The following ST8SIA6 variants were observed in gnomAD, a reference collection of about 807,000 sequenced individuals.
The protein encoded by ST8SIA6 is ST8 alpha-N-acetyl-neuraminide alpha-2,8-sialyltransferase 6.
ST8SIA6 carries 39 observed loss-of-function variants against 33.6 expected under a neutral mutation model. That is an observed-to-expected ratio of 1.16 (90% CI 0.90 to 1.52). The LOEUF (loss-of-function observed/expected upper bound fraction) is 1.52, where lower values mean the gene tolerates loss of function less well. Among genes scored for constraint, ST8SIA6 ranks in the 40% most tolerant of loss-of-function variants. The pLI is 0.00. For missense variants in ST8SIA6, 441 were observed against 443.8 expected (o/e 0.99, Z 0.06); for synonymous variants, 172 against 167.2 (o/e 1.03, Z -0.22).
chr10:17,404,752 G>A (rs1023584816), intron 2 of ST8SIA6, among the ~76,000 whole-genome samples: 7 of 152,048 alleles, frequency 4.6e-5, no homozygotes, highest in Non-Finnish European at 8.8e-5. Context: ...CCTTGTATTC[G>A]AAGTTGACCC....
chr10:17,451,853 C>G (rs1171339843), intron 2 of ST8SIA6, among the ~76,000 whole-genome samples: 1 of 152,106 alleles, frequency 6.6e-6, no homozygotes, highest in African/African-American at 2.4e-5. Flanking sequence ...TTTACAAACA[C>G]AGAATGGTAT....
chr10:17,390,439 C>T lies in ST8SIA6; in HGVS notation c.290+92G>A, dbSNP rs144639771. On this transcript the variant is annotated intron_variant, in intron 3 of 7. Transcript: ENST00000377602. ...TGGTAAGCCTGAGAGTGAACAGTCT[C>T]ATATTCCAAATGACTTCAGAGACAC... The T allele has an allele frequency of 1.4e-4, 152 of 1,101,992 alleles. No individual in the cohort carries two copies. The East Asian group carries it at 3.4e-3, about 25-fold the overall frequency. 68.3% of individuals were successfully genotyped at this position (1,101,992 alleles called of 1,614,324 possible).
At chr10:17,388,403 G>T (rs1850460087) in intron 3 of ST8SIA6, among the ~76,000 whole-genome samples, 1 of 152,122 alleles carries the variant, frequency 6.6e-6, no homozygotes, top group Admixed American at 6.5e-5. Context: ...TACCTACCTT[G>T]GTTTCTTTAT....
In ST8SIA6 at chr10:17,374,747, T is replaced by TA. The variant is rs1236129508; in HGVS notation, c.291-15148dup. Among the ~76,000 whole-genome samples, 410 of 89,496 alleles carry TA rather than the reference T, an allele frequency of 4.6e-3. 5 individuals are homozygous for TA. Among genetic ancestry groups the TA allele is most frequent in the African/African-American group, 0.012 (304 of 25,938 alleles). 58.7% of individuals were successfully genotyped at this position (89,496 alleles called of 152,430 possible). ...ATAAATAAATAAATAAATAAATAAA[T>TA]AATAAATATATATATATATATTTAG... On this transcript the variant is annotated intron_variant, in intron 3 of 7. Transcript: ENST00000377602.
chr10:17,329,102 C>T (rs1258848703), intron 5 of ST8SIA6, among the ~76,000 whole-genome samples: 1 of 152,206 alleles, frequency 6.6e-6, no homozygotes, highest in Non-Finnish European at 1.5e-5. Context: ...GCTCTGGGAG[C>T]TGCCCAACTA....
intron 4 of ST8SIA6, among the ~76,000 whole-genome samples, chr10:17,348,455 A>C (rs1848921513): frequency 6.6e-6 from 1 of 152,208 alleles, no homozygotes; most frequent in African/African-American, 2.4e-5. Context: ...TACCAGGCCA[A>C]GTCCTAACTG....
At chr10:17,401,568 G>A (rs1851044101) in intron 2 of ST8SIA6, among the ~76,000 whole-genome samples, 1 of 152,142 alleles carries the variant, frequency 6.6e-6, no homozygotes, top group Non-Finnish European at 1.5e-5. Context: ...GCATGGTACT[G>A]GTACCAAAAC....
intron 3 of ST8SIA6, among the ~76,000 whole-genome samples, chr10:17,383,935 C>T (rs2131647391): frequency 6.6e-6 from 1 of 152,314 alleles, no homozygotes; most frequent in South Asian, 2.1e-4. Context: ...ATATTTGTTT[C>T]TAACTGATTT....
rs138244236 is a variant in ST8SIA6, at chr10:17,443,905, C to T, written c.200+9654G>A. ...TGCAAATGAGAGATTACAGAACCCT[C>T]GCACCCTTAGATCACAGAACAGCTG... is the stretch of plus-strand genomic sequence containing the variant. On this transcript the variant is annotated intron_variant, in intron 2 of 7. Transcript: ENST00000377602. Among the ~76,000 whole-genome samples, 51 of 152,308 alleles carry T rather than the reference C, an allele frequency of 3.3e-4. No individual in the cohort carries two copies. In the East Asian group the frequency reaches 7.3e-3, roughly 22 times the overall value.
chr10:17,388,314 A>G (rs1435287589), intron 3 of ST8SIA6, among the ~76,000 whole-genome samples: 3 of 152,192 alleles, frequency 2.0e-5, no homozygotes, highest in African/African-American at 7.2e-5. Context: ...GGGACACTCA[A>G]TGGATGTGTC....
At chr10:17,395,034 A>T (rs1850757922) in intron 2 of ST8SIA6, among the ~76,000 whole-genome samples, 1 of 152,094 alleles carries the variant, frequency 6.6e-6, no homozygotes, top group African/African-American at 2.4e-5. Flanking sequence ...CACAATTCCC[A>T]CGTGTTGTGG....
intron 2 of ST8SIA6, among the ~76,000 whole-genome samples, chr10:17,406,632 AGCGGCGGTT>A (rs1564449529): frequency 6.6e-6 from 1 of 152,158 alleles, no homozygotes; most frequent in Admixed American, 6.5e-5. Context: ...TAGTCTATAC[AGCGGCGGTT>A]GTTACTGTCT....
At chr10:17,385,717 G>A (rs1394742315) in intron 3 of ST8SIA6, among the ~76,000 whole-genome samples, 2 of 152,076 alleles carry the variant, frequency 1.3e-5, no homozygotes, top group Non-Finnish European at 2.9e-5. Flanking sequence ...CAGGCCATCT[G>A]GATGTATAAG....
intron 3 of ST8SIA6, among the ~76,000 whole-genome samples, chr10:17,370,147 AT>A (rs1016847400): frequency 1.6e-4 from 24 of 150,864 alleles, no homozygotes; most frequent in East Asian, 9.7e-4. Flanking sequence ...CACCTGGCTA[AT>A]TTTTTTTTGT....
chr10:17,378,905 T>A (rs1347593782), intron 3 of ST8SIA6, among the ~76,000 whole-genome samples: 2 of 152,102 alleles, frequency 1.3e-5, no homozygotes, highest in East Asian at 3.9e-4. Context: ...GGCGGGCGGA[T>A]CATGAGGTCA....
chr10:17,356,633 C>T (rs1849200003), intron 4 of ST8SIA6, among the ~76,000 whole-genome samples: 1 of 152,204 alleles, frequency 6.6e-6, no homozygotes, highest in East Asian at 1.9e-4. Context: ...AGTGATCCAC[C>T]CACCTCAGCC....
chr10:17,431,975 A>AGTG (rs1852115952), intron 2 of ST8SIA6, among the ~76,000 whole-genome samples: 1 of 152,172 alleles, frequency 6.6e-6, no homozygotes, highest in African/African-American at 2.4e-5. Flanking sequence ...TAGGGATAGG[A>AGTG]GTGGAGGCTG....
rs145862583 is a variant in ST8SIA6, at chr10:17,404,985, C to T, written c.201-14365G>A. 7.2e-3 allele frequency among the ~76,000 whole-genome samples: 1,093 copies of T among 152,298 alleles called. 9 individuals are homozygous for T. Among genetic ancestry groups the T allele is most frequent in the Non-Finnish European group, 0.011 (752 of 68,036 alleles). On this transcript the variant is annotated intron_variant, in intron 2 of 7. Transcript: ENST00000377602. ...TTGTGTCCAGGGGAGAGGCAACTCT[C>T]CCTCTCCCACACCACAAGGAAAAAG...
intron 3 of ST8SIA6, among the ~76,000 whole-genome samples, chr10:17,372,289 A>C (rs1849760775): frequency 6.6e-6 from 1 of 152,232 alleles, no homozygotes; most frequent in African/African-American, 2.4e-5. Context: ...AAAGTGAGGA[A>C]CGTGTGTTAC....
Sources: gnomAD v4.1 joint callset for allele counts (sites outside exome capture counted in the v4.1 genomes callset) on GRCh38, gnomAD v4.1.1 for gene constraint, MANE v1.5 for transcripts, NCBI Gene and HGNC (gene_info 2026-07-23, HGNC 2026-07-21) for gene names.